The following MYH11 variants were observed in gnomAD, a reference collection of about 807,000 sequenced individuals.
The protein encoded by MYH11 is myosin-11.
A neutral mutation model predicts 246.6 loss-of-function variants in MYH11; 80 were observed. The ratio of observed to expected loss-of-function variants is 0.32; its 90% confidence interval spans 0.27 to 0.39. The LOEUF is 0.39. Among genes scored for constraint, MYH11 ranks in the 10% least tolerant of loss-of-function variants. The pLI is 1.00. For synonymous variants in MYH11, 1,071 were observed against 1,015.5 expected (o/e 1.05, Z -1.04); for missense variants, 2,158 against 2,546.8 (o/e 0.85, Z 3.29).
chr16:15,714,832 G>T (rs986530668), intron 40 of MYH11, 77 bp downstream of exon 40: 19 of 1,569,948 alleles, frequency 1.2e-5, no homozygotes, highest in Non-Finnish European at 1.5e-5. Context: ...GGCATTTGCA[G>T]GCCGAAAGGA....
chr16:15,714,995 G>C lies in MYH11; in HGVS notation c.5700C>G (p.Arg1900=). The change falls in exon 40 of 41, where the codon CGC becomes CGG. Residue 1900 remains arginine, a synonymous_variant. Transcript: ENST00000300036. The part of the protein sequence containing the change: ...EEESQRINAN[R]RKLQRELDEA... The stretch of plus-strand genomic sequence containing the variant: ...CATCCAGCTCCCGCTGCAGCTTCCT[G>C]CGGTTGGCGTTGATGCGCTGGGACT... 1 of 1,614,024 alleles carries C rather than the reference G, an allele frequency of 6.2e-7. No homozygotes were observed. Among genetic ancestry groups the C allele is most frequent in the South Asian group, 1.1e-5 (1 of 91,082 alleles).
intron 3 of MYH11, among the ~76,000 whole-genome samples, chr16:15,816,106 G>A (rs904206248): frequency 6.6e-6 from 1 of 152,142 alleles, no homozygotes; most frequent in African/African-American, 2.4e-5. Context: ...GGAAGCTACT[G>A]GACAAAGTGC....
chr16:15,761,228 A>G (rs555621885), intron 10 of MYH11, among the ~76,000 whole-genome samples: 102 of 152,032 alleles, frequency 6.7e-4, no homozygotes, highest in African/African-American at 2.4e-3. Flanking sequence ...CTCCTGCCTC[A>G]GCCTCCCGAG....
intron 31 of MYH11, among the ~76,000 whole-genome samples, chr16:15,722,792 G>C (rs1460532365): frequency 3.3e-5 from 5 of 152,176 alleles, no homozygotes; most frequent in Non-Finnish European, 7.3e-5. Flanking sequence ...TCAGGCTGGG[G>C]TGTAGTGGCG....
intron 3 of MYH11, among the ~76,000 whole-genome samples, chr16:15,810,502 C>A (rs997226945): frequency 6.6e-6 from 1 of 152,194 alleles, no homozygotes; most frequent in African/African-American, 2.4e-5. Flanking sequence ...ACTGAGCCAG[C>A]CAGACAGAGC....
At chr16:15,794,391 A>T (rs1243932294) in intron 4 of MYH11, among the ~76,000 whole-genome samples, 1 of 152,226 alleles carries the variant, frequency 6.6e-6, no homozygotes. Context: ...AAGCAAAATA[A>T]AATTGAATAC....
intron 40 of MYH11, among the ~76,000 whole-genome samples, chr16:15,706,802 A>G (rs551690739): frequency 7.5e-4 from 114 of 152,230 alleles, no homozygotes; most frequent in Admixed American, 1.3e-3. Context: ...GGAAGAGTCT[A>G]TTTGCTAACT....
chr16:15,780,265 A>C (rs1224818388), intron 6 of MYH11, among the ~76,000 whole-genome samples: 1 of 145,542 alleles, frequency 6.9e-6, no homozygotes, highest in Admixed American at 6.8e-5. Flanking sequence ...TTGGCTTGTC[A>C]CATGTTGGGG....
At chr16:15,723,978 A>G (rs2151217430) in intron 31 of MYH11, among the ~76,000 whole-genome samples, 183 bp downstream of exon 31, 1 of 152,172 alleles carries the variant, frequency 6.6e-6, no homozygotes, top group Non-Finnish European at 1.5e-5. Flanking sequence ...TGCCATCCTT[A>G]CTGTGACCTG....
chr16:15,839,170 A>C (rs2043985530), intron 1 of MYH11, among the ~76,000 whole-genome samples: 2 of 151,956 alleles, frequency 1.3e-5, no homozygotes, highest in Non-Finnish European at 2.9e-5. Flanking sequence ...AGATCAAGCC[A>C]CTGCACTCCA....
chr16:15,830,673 T>A (rs1325569587), intron 2 of MYH11, among the ~76,000 whole-genome samples: 3 of 148,362 alleles, frequency 2.0e-5, no homozygotes, highest in Non-Finnish European at 4.5e-5. Context: ...AGGTCAGGAG[T>A]TCAAGACCAG....
chr16:15,717,438 C>T (rs539739792), intron 37 of MYH11, 90 bp from the exon 38 acceptor site: 1 of 1,359,296 alleles, frequency 7.4e-7, no homozygotes, highest in East Asian at 2.4e-5. Flanking sequence ...TGTTTGGCCT[C>T]TGCACGAGTC....
At position 15,809,074 on chromosome 16, in the gene MYH11, C is replaced by A. The variant is rs11866830; in HGVS notation, c.503-10387G>T. On this transcript the variant is annotated intron_variant, in intron 3 of 40. Transcript: ENST00000300036. ...ATATCAAGTTCCCTAGCCAAGCCTACACTTCACCTTCCAAGGAAGCCTCCC... is the reference window on the plus strand; with the variant it reads ...ATATCAAGTTCCCTAGCCAAGCCTAAACTTCACCTTCCAAGGAAGCCTCCC... Among the ~76,000 whole-genome samples the A allele has an allele frequency of 7.8e-3, 1,185 of 152,216 alleles. 18 individuals are homozygous for A. Among genetic ancestry groups the A allele is most frequent in the African/African-American group, 0.028 (1,142 of 41,520 alleles).
intron 3 of MYH11, among the ~76,000 whole-genome samples, chr16:15,812,637 C>G (rs1172818804): frequency 6.7e-6 from 1 of 148,636 alleles, no homozygotes; most frequent in East Asian, 2.0e-4. Context: ...CTTTGAGAAG[C>G]CTAGGCAGGT....
At chr16:15,749,914 G>T in intron 16 of MYH11, 1 of 611,814 alleles carries the variant, frequency 1.6e-6, no homozygotes, top group South Asian at 2.0e-5. Flanking sequence ...TGAGTGGCTG[G>T]ATGACCTGCA....
chr16:15,749,884 T>C (rs1398993166), intron 16 of MYH11: 1 of 599,886 alleles, frequency 1.7e-6, no homozygotes, highest in Non-Finnish European at 3.0e-6. Context: ...CAGTGAATAC[T>C]TCCTGGGATA....
intron 1 of MYH11, among the ~76,000 whole-genome samples, chr16:15,839,926 C>T (rs2044010468): frequency 1.3e-5 from 2 of 152,050 alleles, no homozygotes; most frequent in Admixed American, 1.3e-4. Context: ...TGGTGCACAC[C>T]TGTAATCCCA....
At chr16:15,742,199 G>A (rs891440319) in intron 20 of MYH11, 1 of 479,324 alleles carries the variant, frequency 2.1e-6, no homozygotes, top group African/African-American at 1.9e-5. Context: ...CACCAGAAAA[G>A]GTACAAAGTG....
chr16:15,813,642 A>C (rs536633822), intron 3 of MYH11, among the ~76,000 whole-genome samples: 21 of 152,158 alleles, frequency 1.4e-4, no homozygotes, highest in Non-Finnish European at 2.6e-4. Flanking sequence ...GCATGCATTT[A>C]GCTCTCTTCC....
Sources: gnomAD v4.1 joint callset for allele counts (sites outside exome capture counted in the v4.1 genomes callset) on GRCh38, gnomAD v4.1.1 for gene constraint, MANE v1.5 for transcripts, NCBI Gene and HGNC (gene_info 2026-07-23, HGNC 2026-07-21) for gene names.